The following ELP3 variants were observed in gnomAD, a reference collection of about 807,000 sequenced individuals.
ELP3 encodes elongator complex protein 3.
In ELP3, 56 loss-of-function variants were observed where a neutral mutation model predicts 74.9. That is an observed-to-expected ratio of 0.75 (90% confidence interval 0.60 to 0.93). The LOEUF (loss-of-function observed/expected upper bound fraction) is 0.93. Among genes scored for constraint, ELP3 ranks in the 40% least tolerant of loss-of-function variants. ELP3 has a pLI of 0.00. For missense variants in ELP3, 573 were observed against 686.5 expected (o/e 0.83, Z 1.85); for synonymous variants, 222 against 239.8 (o/e 0.93, Z 0.68).
intron 10 of ELP3, among the ~76,000 whole-genome samples, chr8:28,144,335 C>T (rs531748802): frequency 6.6e-6 from 1 of 152,318 alleles, no homozygotes; most frequent in South Asian, 2.1e-4. Context: ...TTCGGCCAGG[C>T]ACAGTGGCTC....
intron 1 of ELP3, 23 bp from the exon 2 acceptor site, chr8:28,097,196 A>G (rs754417860): frequency 1.9e-5 from 29 of 1,505,302 alleles, no homozygotes; most frequent in Non-Finnish European, 2.6e-5. Flanking sequence ...GATTTTTGAC[A>G]TTGTTGAATA....
Position 28,181,744 on chromosome 8 carries a change from G to A in ELP3, c.1568-7905G>A, listed in dbSNP as rs527772504. 3.9e-5 allele frequency among the ~76,000 whole-genome samples: 6 copies of A among 152,362 alleles called. No individual in the cohort carries two copies. The East Asian group carries it at 1.2e-3, about 29-fold the overall frequency. On this transcript the variant is annotated intron_variant, in intron 14 of 14. Coordinates refer to ENST00000256398, the MANE Select transcript of ELP3 (RefSeq NM_018091.6). ...CATTAGAAACGCTCTGGGCCATGGG[G>A]TCAGGCAGGCTGGGTCTCAGTTACT...
intron 14 of ELP3, among the ~76,000 whole-genome samples, chr8:28,163,398 A>G (rs1814179354): frequency 1.3e-5 from 2 of 152,196 alleles, no homozygotes; most frequent in Non-Finnish European, 2.9e-5. Flanking sequence ...GTTGTTGCCA[A>G]TCAGTAAATC....
At chr8:28,121,381 G>A (rs565389484) in intron 7 of ELP3, among the ~76,000 whole-genome samples, 6 of 148,612 alleles carry the variant, frequency 4.0e-5, no homozygotes, top group South Asian at 4.2e-4. Flanking sequence ...ATGCAGTGAC[G>A]TGATCTCAGC....
At position 28,117,316 on chromosome 8, in the gene ELP3, T is replaced by C. The variant is rs544459984; in HGVS notation, c.617+4143T>C. On this transcript the variant is annotated intron_variant, in intron 7 of 14. Transcript: ENST00000256398. Reference sequence around the variant, plus strand: ...TTTTGTTTTATTCTTGGTGTAACATTTTATTTTTGCAGAAATGTTCTAGTG... The same window carrying C: ...TTTTGTTTTATTCTTGGTGTAACATCTTATTTTTGCAGAAATGTTCTAGTG... Among the ~76,000 whole-genome samples, 5 of 152,332 alleles carry C rather than the reference T, an allele frequency of 3.3e-5. No individual in the cohort carries two copies. In the South Asian group the frequency reaches 1.0e-3, roughly 32 times the overall value.
intron 13 of ELP3, 119 bp from the exon 14 acceptor site, chr8:28,161,877 CT>C (rs1814106670): frequency 3.5e-6 from 3 of 866,536 alleles, no homozygotes; most frequent in East Asian, 2.6e-5. Context: ...CATAAGTGGG[CT>C]TTTTCACTCT....
At chr8:28,092,722 CA>C (rs1811087433), upstream of ELP3, 2 of 226,442 alleles carry the variant, frequency 8.8e-6, no homozygotes, top group East Asian at 1.4e-4. Context: ...TGGTCTCTTC[CA>C]GGCCCTCAGT....
intron 12 of ELP3, among the ~76,000 whole-genome samples, chr8:28,158,994 C>T (rs965897188): frequency 6.6e-6 from 1 of 152,112 alleles, no homozygotes; most frequent in African/African-American, 2.4e-5. Context: ...AAAATAAATT[C>T]AATTGTAAAT....
At chr8:28,132,204 C>T in intron 8 of ELP3, 74 bp from the exon 9 acceptor site, 1 of 1,503,930 alleles carries the variant, frequency 6.6e-7, no homozygotes, top group Non-Finnish European at 9.2e-7. Flanking sequence ...TTAACTTTGT[C>T]ACCCATTTAT....
upstream of ELP3, chr8:28,090,478 GGTGGGTGTGTGT>G (rs1454511504): frequency 3.1e-3 from 699 of 227,074 alleles, 12 homozygotes; most frequent in Non-Finnish European, 4.2e-3. Flanking sequence ...TAGTCTGATG[GGTGGGTGTGTGT>G]GTGTGTGTGT....
chr8:28,133,702 C>T (rs933468819), intron 9 of ELP3, among the ~76,000 whole-genome samples: 2 of 152,102 alleles, frequency 1.3e-5, no homozygotes, highest in African/African-American at 4.8e-5. Flanking sequence ...ATGCAGTTTA[C>T]CATGTCTTAT....
At chr8:28,132,089 A>G (rs1812804337) in intron 8 of ELP3, among the ~76,000 whole-genome samples, 189 bp from the exon 9 acceptor site, 1 of 152,152 alleles carries the variant, frequency 6.6e-6, no homozygotes, top group South Asian at 2.1e-4. Flanking sequence ...AGAGGTGGGG[A>G]TGTAAAAAAT....
At chr8:28,127,917 T>A (rs1812643034) in intron 7 of ELP3, among the ~76,000 whole-genome samples, 1 of 152,222 alleles carries the variant, frequency 6.6e-6, no homozygotes, top group African/African-American at 2.4e-5. Flanking sequence ...TCTAGATTGG[T>A]GATTCTTAGC....
intron 7 of ELP3, among the ~76,000 whole-genome samples, chr8:28,118,595 C>G (rs1187560124): frequency 6.6e-6 from 1 of 152,166 alleles, no homozygotes; most frequent in South Asian, 2.1e-4. Flanking sequence ...TGACTGTCAT[C>G]GTGTAACAAT....
At chr8:28,093,627 C>T (rs1212548608) in intron 1 of ELP3, 1 of 218,652 alleles carries the variant, frequency 4.6e-6, no homozygotes, top group Non-Finnish European at 9.2e-6. Context: ...ATTAAAAAAA[C>T]CTTAATTATC....
intron 12 of ELP3, 116 bp downstream of exon 12, chr8:28,158,749 G>A (rs1397613325): frequency 1.3e-6 from 1 of 775,708 alleles, no homozygotes; most frequent in Non-Finnish European, 2.2e-6. Context: ...TAAGAGCAGA[G>A]ACTAATCGAG....
intron 10 of ELP3, among the ~76,000 whole-genome samples, chr8:28,140,739 T>C (rs900532956): frequency 6.6e-6 from 1 of 152,174 alleles, no homozygotes; most frequent in Non-Finnish European, 1.5e-5. Context: ...CCATTTAGTA[T>C]GGCCCCCAAG....
chr8:28,146,400 C>G (rs1813433808), intron 10 of ELP3, among the ~76,000 whole-genome samples: 1 of 152,164 alleles, frequency 6.6e-6, no homozygotes, highest in South Asian at 2.1e-4. Flanking sequence ...AAAAAAAGGC[C>G]TAGACATCAC....
chr8:28,155,918 C>T (rs759802141), intron 10 of ELP3, 24 bp from the exon 11 acceptor site: 5 of 1,575,568 alleles, frequency 3.2e-6, no homozygotes, highest in Non-Finnish European at 4.4e-6. Flanking sequence ...TTTGCAACAG[C>T]TTATGTTTTT....
Sources: allele counts gnomAD v4.1 joint callset (sites outside exome capture counted in the v4.1 genomes callset), GRCh38; gene constraint gnomAD v4.1.1; transcripts MANE v1.5; gene names NCBI Gene and HGNC (gene_info 2026-07-23, HGNC 2026-07-21).